Variants in ST6GAL1 observed in about 807,000 individuals in gnomAD.
ST6GAL1 encodes ST6 beta-galactoside alpha-2,6-sialyltransferase 1, also known as beta-galactoside alpha-2,6-sialyltransferase 1.
In ST6GAL1, 20 loss-of-function variants were observed where a neutral mutation model predicts 38.0. The observed-to-expected ratio is 0.53, with a 90% confidence interval of 0.37 to 0.77. The LOEUF is 0.77. Ranked by LOEUF, ST6GAL1 falls within the 30% of genes least tolerant of loss-of-function variation. The pLI is 0.00. For synonymous variants in ST6GAL1, 196 were observed against 188.2 expected (o/e 1.04, Z -0.34); for missense variants, 432 against 496.4 (o/e 0.87, Z 1.23).
intron 2 of ST6GAL1, among the ~76,000 whole-genome samples, chr3:186,995,083 G>T (rs1325547345): frequency 6.6e-6 from 1 of 152,060 alleles, no homozygotes; most frequent in African/African-American, 2.4e-5. Context: ...ATATATATAT[G>T]TGTGTATGTG....
chr3:187,024,354 A>C (rs1341985311), intron 2 of ST6GAL1, among the ~76,000 whole-genome samples: 5 of 151,136 alleles, frequency 3.3e-5, no homozygotes, highest in Admixed American at 6.6e-5. Context: ...CGGCCTCCCA[A>C]AGTGCTGGGA....
intron 1 of ST6GAL1, among the ~76,000 whole-genome samples, chr3:186,944,850 A>G (rs186171099): frequency 0.093 from 14,237 of 152,302 alleles, 814 homozygotes; most frequent in Non-Finnish European, 0.14. Flanking sequence ...AGTCACATAG[A>G]TAGACACACC....
chr3:186,936,959 A>C (rs1388306726), intron 1 of ST6GAL1, among the ~76,000 whole-genome samples: 1 of 151,492 alleles, frequency 6.6e-6, no homozygotes, highest in East Asian at 1.9e-4. Context: ...AAAAAAAAAA[A>C]AAAGAAAAAG....
At chr3:186,994,578 T>C (rs1716299933) in intron 2 of ST6GAL1, among the ~76,000 whole-genome samples, 1 of 152,230 alleles carries the variant, frequency 6.6e-6, no homozygotes, top group Admixed American at 6.5e-5. Context: ...AAATAAGATG[T>C]TATTTTAACT....
intron 2 of ST6GAL1, among the ~76,000 whole-genome samples, chr3:187,013,812 C>T (rs1370441556): frequency 6.6e-6 from 1 of 152,084 alleles, no homozygotes; most frequent in East Asian, 1.9e-4. Flanking sequence ...CTCTGACTCC[C>T]GACCTCAGGT....
chr3:187,043,132 C>T lies in ST6GAL1; in HGVS notation c.429C>T (p.His143=), dbSNP rs377510121. The change falls in exon 4 of 8, where the codon CAC becomes CAT. Residue 143 remains histidine, a synonymous_variant. Coordinates refer to ENST00000169298, the MANE Select transcript of ST6GAL1 (RefSeq NM_173216.2). ...IKFSAEALRC[H]LRDHVNVSMV... is the part of the protein sequence containing the mutation. ...TCAGTGCAGAGGCCCTGCGCTGCCA[C>T]CTCCGGGACCATGTGAATGTATCCA... The T allele has an allele frequency of 5.6e-6, 9 of 1,614,262 alleles. No homozygotes were observed. Among genetic ancestry groups the T allele is most frequent in the Middle Eastern group, 1.6e-4 (1 of 6,062 alleles).
intron 5 of ST6GAL1, among the ~76,000 whole-genome samples, chr3:187,066,555 A>G (rs549565431): frequency 5.9e-5 from 9 of 152,152 alleles, no homozygotes; most frequent in African/African-American, 1.9e-4. Flanking sequence ...AGAAGAAAAA[A>G]GTCCAAAATA....
chr3:186,974,758 C>T (rs1334030232), intron 2 of ST6GAL1, among the ~76,000 whole-genome samples: 1 of 149,658 alleles, frequency 6.7e-6, no homozygotes, highest in Non-Finnish European at 1.5e-5. Context: ...GGGTTGGGTG[C>T]AAAGGGAAAT....
intron 6 of ST6GAL1, 48 bp downstream of exon 6, chr3:187,072,995 A>G (rs775362247): frequency 6.8e-7 from 1 of 1,464,528 alleles, no homozygotes; most frequent in South Asian, 1.1e-5. Flanking sequence ...CTGTCTGTCT[A>G]CAGATTTTCC....
Position 187,050,560 on chromosome 3 carries a change from G to GAGAC in ST6GAL1, c.608-689_608-688insAGAC, listed in dbSNP as rs371144529. Among the ~76,000 whole-genome samples, 20 of 149,706 alleles carry GAGAC rather than the reference G, an allele frequency of 1.3e-4. No individual in the cohort carries two copies. In the East Asian group the frequency reaches 2.4e-3, roughly 18 times the overall value. Reference sequence around the variant, plus strand: ...AGAGAGAGAGAGAGAGAGAGAGAGAGGGAGGGAGGGAAGGAAGGAGGGAGG... The same window carrying GAGAC: ...AGAGAGAGAGAGAGAGAGAGAGAGAGAGACGGAGGGAGGGAAGGAAGGAGGGAGG... On this transcript the variant is annotated intron_variant, in intron 4 of 7. Coordinates refer to ENST00000169298, the MANE Select transcript of ST6GAL1 (RefSeq NM_173216.2).
At chr3:187,023,433 C>G (rs3872724) in intron 2 of ST6GAL1, among the ~76,000 whole-genome samples, 86 of 152,082 alleles carry the variant, frequency 5.7e-4, no homozygotes, top group African/African-American at 2.0e-3. Flanking sequence ...GTCTGGTTCA[C>G]AGTAGGCAAT....
At chr3:186,983,351 A>G (rs536604274) in intron 2 of ST6GAL1, among the ~76,000 whole-genome samples, 1 of 152,338 alleles carries the variant, frequency 6.6e-6, no homozygotes, top group African/African-American at 2.4e-5. Flanking sequence ...AGATTTAAGT[A>G]AAACTTATTG....
intron 4 of ST6GAL1, among the ~76,000 whole-genome samples, chr3:187,044,187 C>A (rs1045875526): frequency 2.0e-5 from 3 of 152,154 alleles, no homozygotes; most frequent in African/African-American, 7.2e-5. Context: ...GAAAGTCTGT[C>A]TATATTTGTA....
chr3:186,985,319 G>A (rs1477465939), intron 2 of ST6GAL1, among the ~76,000 whole-genome samples: 2 of 151,862 alleles, frequency 1.3e-5, no homozygotes, highest in Non-Finnish European at 2.9e-5. Context: ...GTCTCCCTCT[G>A]CTAGTATGTA....
rs531677039 is a variant in ST6GAL1, at chr3:187,017,806, G to A, written c.-182-20936G>A. Among the ~76,000 whole-genome samples, 9 of 152,286 alleles carry A rather than the reference G, an allele frequency of 5.9e-5. No homozygotes were observed. In the South Asian group the frequency reaches 1.7e-3, roughly 28 times the overall value. Reference sequence around the variant, plus strand: ...GTTGGAAAGAACGGCCGCCTGGCGCGATCCCCAGCCCTGGAATTCCTGGAG... The same window carrying A: ...GTTGGAAAGAACGGCCGCCTGGCGCAATCCCCAGCCCTGGAATTCCTGGAG... On this transcript the variant is annotated intron_variant, in intron 2 of 7. Transcript: ENST00000169298.
At chr3:186,940,516 G>A (rs774934349) in intron 1 of ST6GAL1, among the ~76,000 whole-genome samples, 3 of 152,228 alleles carry the variant, frequency 2.0e-5, no homozygotes, top group Non-Finnish European at 4.4e-5. Flanking sequence ...CGTGGGGGCC[G>A]CATGTAGCCC....
intron 2 of ST6GAL1, among the ~76,000 whole-genome samples, chr3:186,981,824 C>T (rs576844767): frequency 6.6e-6 from 1 of 152,278 alleles, no homozygotes; most frequent in Admixed American, 6.5e-5. Context: ...CTTTATAAAA[C>T]ACTGCTTAAA....
At chr3:186,996,874 C>A in intron 2 of ST6GAL1, among the ~76,000 whole-genome samples, 1 of 151,706 alleles carries the variant, frequency 6.6e-6, no homozygotes, top group East Asian at 1.9e-4. Context: ...CTGCTTGGGT[C>A]CCTGCTACAC....
chr3:186,992,622 C>T (rs377528377), intron 2 of ST6GAL1, among the ~76,000 whole-genome samples: 1 of 152,016 alleles, frequency 6.6e-6, no homozygotes, highest in African/African-American at 2.4e-5. Flanking sequence ...GGTGAAACCC[C>T]GTCTCTACTA....
Sources: gnomAD v4.1 joint callset for allele counts (sites outside exome capture counted in the v4.1 genomes callset) on GRCh38, gnomAD v4.1.1 for gene constraint, MANE v1.5 for transcripts, NCBI Gene and HGNC (gene_info 2026-07-23, HGNC 2026-07-21) for gene names.